Variants in TNFRSF1B observed in about 807,000 individuals in gnomAD.
TNFRSF1B encodes TNF receptor superfamily member 1B, also known as tumor necrosis factor receptor superfamily member 1B.
TNFRSF1B carries 19 observed loss-of-function variants against 44.6 expected under a neutral mutation model. The ratio of observed to expected loss-of-function variants is 0.43; its 90% CI spans 0.30 to 0.62. The LOEUF (loss-of-function observed/expected upper bound fraction) is 0.62. TNFRSF1B is among the 20% of genes least tolerant of loss of function. TNFRSF1B has a pLI of 0.16. For missense variants in TNFRSF1B, 541 were observed against 619.9 expected (o/e 0.87, Z 1.35); for synonymous variants, 252 against 261.1 (o/e 0.97, Z 0.34).
At chr1:12,197,842 G>A (rs1470544818) in intron 8 of TNFRSF1B, among the ~76,000 whole-genome samples, 1 of 152,142 alleles carries the variant, frequency 6.6e-6, no homozygotes, top group Non-Finnish European at 1.5e-5. Flanking sequence ...ACACCAACAT[G>A]TGGCCGGGCG....
At chr1:12,173,663 G>C (rs907640963) in intron 1 of TNFRSF1B, among the ~76,000 whole-genome samples, 2 of 152,234 alleles carry the variant, frequency 1.3e-5, no homozygotes, top group South Asian at 4.1e-4. Flanking sequence ...CCTTGAGCAG[G>C]AAGGGCGTTT....
Position 12,207,081 on chromosome 1 carries a change from C to A in TNFRSF1B, c.*61C>A, listed in dbSNP as rs764108902. On this transcript the variant is annotated 3_prime_UTR_variant, in exon 10 of 10. Transcript: ENST00000376259. ...GCTGAGCCCTGGCAGGATGACCCTGCGAAGGGGCCCTGGTCCTTCCAGGCC... is the reference window on the plus strand; with the variant it reads ...GCTGAGCCCTGGCAGGATGACCCTGAGAAGGGGCCCTGGTCCTTCCAGGCC... The A allele has an allele frequency of 6.7e-7, 1 of 1,497,496 alleles. No individual in the cohort carries two copies. The highest frequency in any genetic ancestry group is 8.9e-7 in the Non-Finnish European group (1 of 1,119,658). The allele number at this position is 1,497,496 out of a possible 1,614,324, so 92.8% of individuals were successfully genotyped here.
chr1:12,191,151 G>A, intron 3 of TNFRSF1B, 66 bp downstream of exon 3: 1 of 1,579,222 alleles, frequency 6.3e-7, no homozygotes, highest in Non-Finnish European at 8.6e-7. Context: ...GGCAACTCCA[G>A]CCTCTTTGGC....
chr1:12,205,694 T>G (rs1436149554), intron 9 of TNFRSF1B, among the ~76,000 whole-genome samples: 1 of 152,202 alleles, frequency 6.6e-6, no homozygotes, highest in African/African-American at 2.4e-5. Context: ...TGATTTCGGC[T>G]CACTGCAACC....
In TNFRSF1B at chr1:12,206,739, G is replaced by A. The variant is rs1208863994; in HGVS notation, c.1106-1G>A. 10 of 1,581,574 alleles carry A rather than the reference G, an allele frequency of 6.3e-6. No homozygotes were observed. Among genetic ancestry groups the A allele is most frequent in the Non-Finnish European group, 8.6e-6 (10 of 1,158,718 alleles). ...CCCCCACCCCATCTTGTGCTTAGCA[G>A]ATTCTTCCCCTGGTGGCCATGGGAC... On this transcript the variant is annotated splice_acceptor_variant, in intron 9 of 9. Transcript: ENST00000376259. LOFTEE classifies it high-confidence loss of function.
At chr1:12,174,195 T>C in intron 1 of TNFRSF1B, among the ~76,000 whole-genome samples, 1 of 120,510 alleles carries the variant, frequency 8.3e-6, no homozygotes, top group East Asian at 2.2e-4. Flanking sequence ...CTTCTCCTTC[T>C]CCTTCTCCTT....
rs747230676 is a variant in TNFRSF1B at position 12,188,758 on chromosome 1, C to A, written c.79-38C>A. ...CATCAGGCATGGCAGAACCCAGGGG[C>A]GGCCCTGTTGATGGCAGTCTTCCCT... On this transcript the variant is annotated intron_variant, in intron 1 of 9. Coordinates refer to ENST00000376259, the MANE Select transcript of TNFRSF1B (RefSeq NM_001066.3). 11 of 1,591,514 alleles carry A rather than the reference C, an allele frequency of 6.9e-6. No homozygotes were observed. The Admixed American group carries it at 8.4e-5, about 12-fold the overall frequency.
chr1:12,200,366 C>T (rs1639358437), intron 8 of TNFRSF1B, among the ~76,000 whole-genome samples: 2 of 151,990 alleles, frequency 1.3e-5, no homozygotes. Flanking sequence ...CAGAGGGTCT[C>T]AGACGTGAGC....
chr1:12,198,562 C>T (rs910227999), intron 8 of TNFRSF1B, among the ~76,000 whole-genome samples: 11 of 152,162 alleles, frequency 7.2e-5, no homozygotes, highest in East Asian at 1.9e-4. Flanking sequence ...CACAAACAGA[C>T]GGACACAGCA....
chr1:12,191,319 G>A (rs1267579774), intron 3 of TNFRSF1B, among the ~76,000 whole-genome samples: 2 of 152,262 alleles, frequency 1.3e-5, no homozygotes, highest in African/African-American at 4.8e-5. Flanking sequence ...TGAGGGTTGA[G>A]GAGGTGGTGC....
Position 12,191,929 on chromosome 1 carries a change from G to A in TNFRSF1B, c.457+6G>A, listed in dbSNP as rs763391486. 6.5e-5 allele frequency: 104 copies of A among 1,607,192 alleles called. No individual in the cohort carries two copies. The highest frequency in any genetic ancestry group is 8.0e-5 in the Non-Finnish European group (94 of 1,177,468). ...CTTCGGCGTGGCCAGACCAGGTACG[G>A]GGTGGGGCTCAGGTCCTTGGGGACG... On this transcript the variant is annotated splice_donor_region_variant and intron_variant, in intron 4 of 9. Transcript: ENST00000376259.
At chr1:12,184,627 C>A (rs567688414) in intron 1 of TNFRSF1B, among the ~76,000 whole-genome samples, 2 of 152,208 alleles carry the variant, frequency 1.3e-5, no homozygotes, top group Non-Finnish European at 2.9e-5. Context: ...AGCTGCCTGC[C>A]GTTAGTGGCC....
At chr1:12,194,384 T>C (rs1214529244) in intron 7 of TNFRSF1B, among the ~76,000 whole-genome samples, 200 bp from the exon 8 acceptor site, 1 of 151,962 alleles carries the variant, frequency 6.6e-6, no homozygotes, top group Admixed American at 6.6e-5. Flanking sequence ...GCGGATGGTA[T>C]AGATGGGGGA....
rs1638470875 is a variant in TNFRSF1B at position 12,169,337 on chromosome 1, G to A, written c.78+2168G>A. Among the ~76,000 whole-genome samples, 1 of 152,158 alleles carries A rather than the reference G, an allele frequency of 6.6e-6. No homozygotes were observed. Among genetic ancestry groups the A allele is most frequent in the Non-Finnish European group, 1.5e-5 (1 of 68,028 alleles). On this transcript the variant is annotated intron_variant, in intron 1 of 9. Coordinates refer to ENST00000376259, the MANE Select transcript of TNFRSF1B (RefSeq NM_001066.3). This position sits in a 1 kb window ranked among gnomAD's most constrained non-coding sequence, Gnocchi z 4.5. Reference sequence around the variant, plus strand: ...GAACACCCACTAAACACCAGGCACTGGGCTAGGTACTTTGTCACAAAATTT... The same window carrying A: ...GAACACCCACTAAACACCAGGCACTAGGCTAGGTACTTTGTCACAAAATTT...
At chr1:12,184,190 G>T in intron 1 of TNFRSF1B, among the ~76,000 whole-genome samples, 1 of 152,174 alleles carries the variant, frequency 6.6e-6, no homozygotes. Flanking sequence ...GACCTCCTGG[G>T]GGGCCCCTGT....
intron 1 of TNFRSF1B, among the ~76,000 whole-genome samples, chr1:12,174,737 C>T (rs546514702): frequency 1.3e-5 from 2 of 152,318 alleles, no homozygotes; most frequent in East Asian, 1.9e-4. Context: ...GCCCTCCCTA[C>T]CCCCTCTTTT....
At chr1:12,176,052 TG>T (rs1418862367) in intron 1 of TNFRSF1B, among the ~76,000 whole-genome samples, 1 of 136,294 alleles carries the variant, frequency 7.3e-6, no homozygotes, top group Non-Finnish European at 1.6e-5. Context: ...CTGTCTCTAC[TG>T]AAAAAAAAAA....
At chr1:12,189,055 C>T (rs2101102414) in intron 2 of TNFRSF1B, among the ~76,000 whole-genome samples, 160 bp downstream of exon 2, 1 of 152,306 alleles carries the variant, frequency 6.6e-6, no homozygotes, top group South Asian at 2.1e-4. Context: ...ACATGCTGTT[C>T]CCTCTTCCTG....
At chr1:12,174,879 C>T (rs957336086) in intron 1 of TNFRSF1B, among the ~76,000 whole-genome samples, 3 of 152,238 alleles carry the variant, frequency 2.0e-5, no homozygotes, top group Non-Finnish European at 2.9e-5. Flanking sequence ...GGGTCCCTTT[C>T]GGAGCTGGGG....
Sources: gnomAD v4.1 joint callset for allele counts (sites outside exome capture counted in the v4.1 genomes callset) on GRCh38, gnomAD v4.1.1 for gene constraint, Gnocchi (gnomAD v3.1) non-coding constraint, MANE v1.5 for transcripts, NCBI Gene and HGNC (gene_info 2026-07-23, HGNC 2026-07-21) for gene names.